The following ANKIB1 variants were observed in gnomAD, a reference collection of about 807,000 sequenced individuals.
The protein encoded by ANKIB1 is ankyrin repeat and IBR domain-containing protein 1.
In ANKIB1, 43 loss-of-function variants were observed where a neutral mutation model predicts 122.1. The ratio of observed to expected loss-of-function variants is 0.35; its 90% CI spans 0.28 to 0.45. The LOEUF (loss-of-function observed/expected upper bound fraction) is 0.45. ANKIB1 is among the 20% of genes least tolerant of loss of function. The pLI is 1.00. For missense variants in ANKIB1, 992 were observed against 1,329.5 expected, an observed-to-expected ratio of 0.75 and a Z score of 3.95; for synonymous variants, 390 against 442.0, an observed-to-expected ratio of 0.88 and a Z score of 1.48.
intron 2 of ANKIB1, among the ~76,000 whole-genome samples, chr7:92,302,941 A>C (rs1802485792): frequency 6.6e-6 from 1 of 152,214 alleles, no homozygotes; most frequent in African/African-American, 2.4e-5. Context: ...TCAATGTTGC[A>C]TGAAAGAGGA....
chr7:92,328,698 GCTATT>G (rs969245402), intron 5 of ANKIB1, among the ~76,000 whole-genome samples: 1 of 151,620 alleles, frequency 6.6e-6, no homozygotes, highest in African/African-American at 2.4e-5. Flanking sequence ...AAAGTAAATG[GCTATT>G]CTATTCCAGT....
At chr7:92,272,895 A>T (rs1801825958) in intron 1 of ANKIB1, among the ~76,000 whole-genome samples, 1 of 152,124 alleles carries the variant, frequency 6.6e-6, no homozygotes, top group African/African-American at 2.4e-5. Context: ...TAGGCTATAA[A>T]CCTGTACAGC....
rs903816039 is a variant in ANKIB1, at chr7:92,392,122, CTTTAG to C, written c.2232-116_2232-112del. 6.1e-5 allele frequency: 41 copies of C among 671,530 alleles called. No homozygotes were observed. The African/African-American group carries it at 6.3e-4, about 10-fold the overall frequency. The allele number at this position is 671,530 out of a possible 1,614,324, so 41.6% of individuals were successfully genotyped here. On this transcript the variant is annotated intron_variant, in intron 16 of 19. Transcript: ENST00000265742. ...TAATTCTGTTTTAATAGTTGATCTA[CTTTAG>C]TTAAGCAAGTTCCAACAGAGGAATT...
rs1229454779 is a variant in ANKIB1 at position 92,397,793 on chromosome 7, G to A, written c.2466G>A (p.Val822=). The change falls in exon 19 of 20, where the codon GTG becomes GTA. Residue 822 remains valine, a synonymous_variant. Transcript: ENST00000265742. ...TSVVSSASMS[V]LHSSSLRDYT... is the part of the protein sequence containing the mutation. Reference sequence around the variant, plus strand: ...TGGTAAGTTCTGCATCTATGAGTGTGCTGCACAGCTCTTCCCTGCGTGACT... The same window carrying A: ...TGGTAAGTTCTGCATCTATGAGTGTACTGCACAGCTCTTCCCTGCGTGACT... 1 of 1,607,456 alleles carries A rather than the reference G, an allele frequency of 6.2e-7. No individual in the cohort carries two copies. The highest frequency in any genetic ancestry group is 2.2e-5 in the East Asian group (1 of 44,710).
intron 11 of ANKIB1, among the ~76,000 whole-genome samples, chr7:92,380,625 G>A (rs1368692006): frequency 6.6e-6 from 1 of 152,224 alleles, no homozygotes; most frequent in Non-Finnish European, 1.5e-5. Flanking sequence ...AGGGTCTGGA[G>A]TGGACCTCAA....
chr7:92,278,243 C>T (rs1007033284), intron 1 of ANKIB1, among the ~76,000 whole-genome samples: 1 of 151,832 alleles, frequency 6.6e-6, no homozygotes, highest in African/African-American at 2.4e-5. Flanking sequence ...AGAATGAGAC[C>T]CTGTCTCAAA....
At chr7:92,246,560 C>A in intron 1 of ANKIB1, 41 bp downstream of exon 1, 1 of 513,514 alleles carries the variant, frequency 1.9e-6, no homozygotes. Context: ...TTGAGGCTGC[C>A]TCTACCCATT....
intron 3 of ANKIB1, among the ~76,000 whole-genome samples, chr7:92,308,677 C>T (rs1329981911): frequency 1.3e-5 from 2 of 151,900 alleles, no homozygotes; most frequent in African/African-American, 4.8e-5. Context: ...GATAAAATCA[C>T]GCATATAATA....
At chr7:92,284,021 G>A (rs879353713) in intron 1 of ANKIB1, among the ~76,000 whole-genome samples, 3 of 152,030 alleles carry the variant, frequency 2.0e-5, no homozygotes, top group Admixed American at 6.6e-5. Context: ...TGCCTGCCTC[G>A]GCCTCCCAAA....
intron 16 of ANKIB1, among the ~76,000 whole-genome samples, chr7:92,391,685 G>A (rs1265555932): frequency 2.6e-5 from 4 of 152,024 alleles, no homozygotes; most frequent in African/African-American, 4.8e-5. Context: ...AACATCTTAC[G>A]ATGTAGAATT....
Position 92,294,963 on chromosome 7 carries a change from AAAAAC to A in ANKIB1, c.-4_1del. On this transcript the variant is annotated 5_prime_UTR_variant, in exon 2 of 20. Transcript: ENST00000265742. ...GAAAAAAGTGCCACTGCCTATCAGA[AAAAAC>A]AAAACAAAACATGGGAAATACAACC... The A allele has an allele frequency of 1.3e-6, 2 of 1,572,478 alleles. No homozygotes were observed. The highest frequency in any genetic ancestry group is 1.8e-5 in the Admixed American group (1 of 54,940).
rs376898258 is a variant in ANKIB1 at position 92,307,481 on chromosome 7, C to A, written c.311C>A (p.Ala104Glu). The change falls in exon 3 of 20, where the codon GCA becomes GAA. Residue 104 changes from alanine (A) to glutamate (E), a missense_variant. Ala to Glu is a moderately radical substitution (Grantham distance 107, BLOSUM62 -1). Transcript: ENST00000265742. ...ISEGALHPRL[A>E]RPTEDDFRRA... ...GAAGGAGCCCTTCATCCTCGCTTGG[C>A]ACGCCCCACAGAAGATGATTTCAGA... 1.9e-6 allele frequency: 3 copies of A among 1,613,792 alleles called. No individual in the cohort carries two copies. Among genetic ancestry groups the A allele is most frequent in the African/African-American group, 2.7e-5 (2 of 74,902 alleles).
intron 14 of ANKIB1, among the ~76,000 whole-genome samples, chr7:92,388,824 G>A (rs1009497198): frequency 6.6e-6 from 1 of 152,156 alleles, no homozygotes; most frequent in Non-Finnish European, 1.5e-5. Context: ...AATACCATAA[G>A]TTAAATGGAG....
chr7:92,272,132 G>T (rs1801809615), intron 1 of ANKIB1, among the ~76,000 whole-genome samples: 1 of 152,076 alleles, frequency 6.6e-6, no homozygotes, highest in Non-Finnish European at 1.5e-5. Flanking sequence ...TATACTTAAT[G>T]CCACTGAATT....
At chr7:92,287,544 G>A (rs769780731) in intron 1 of ANKIB1, among the ~76,000 whole-genome samples, 28 of 152,052 alleles carry the variant, frequency 1.8e-4, no homozygotes, top group Non-Finnish European at 3.2e-4. Context: ...GGTGTTTCCT[G>A]GTCAGAGTAT....
chr7:92,305,637 T>C (rs1162975013), intron 2 of ANKIB1, among the ~76,000 whole-genome samples: 1 of 152,206 alleles, frequency 6.6e-6, no homozygotes, highest in Non-Finnish European at 1.5e-5. Flanking sequence ...TTCTAAGTAG[T>C]GTTGGTTTGC....
chr7:92,322,684 C>G (rs1000481093), intron 4 of ANKIB1, among the ~76,000 whole-genome samples: 2 of 152,056 alleles, frequency 1.3e-5, no homozygotes, highest in Non-Finnish European at 2.9e-5. Flanking sequence ...TCATGAACAT[C>G]TCTCCTAAGT....
intron 4 of ANKIB1, among the ~76,000 whole-genome samples, chr7:92,320,505 C>T (rs961054044): frequency 6.6e-6 from 1 of 152,170 alleles, no homozygotes. Context: ...TTTATGTCTT[C>T]CCGGTCTCAA....
rs949949219 is a variant in ANKIB1, at chr7:92,401,349, A to C, written c.*2400A>C. 1.3e-5 allele frequency: 2 copies of C among 152,258 alleles called. No homozygotes were observed. The highest frequency in any genetic ancestry group is 2.9e-5 in the Non-Finnish European group (2 of 68,042). 9.4% of individuals were successfully genotyped at this position (152,258 alleles called of 1,614,324 possible). A position where few individuals can be genotyped will look rare whatever the true frequency, so the allele number is the denominator to read the frequency against. On this transcript the variant is annotated 3_prime_UTR_variant, in exon 20 of 20. Transcript: ENST00000265742. ...CAAATGAATGCTGTTAATAATATGT[A>C]AAATTCTTTGATTAAACATTTATTA...
Sources: gnomAD v4.1 joint callset for allele counts (sites outside exome capture counted in the v4.1 genomes callset) on GRCh38, gnomAD v4.1.1 for gene constraint, MANE v1.5 for transcripts, NCBI Gene and HGNC (gene_info 2026-07-23, HGNC 2026-07-21) for gene names.